Variants in LARGE1 observed in about 807,000 individuals in gnomAD.
LARGE1 encodes the protein LARGE xylosyl- and glucuronyltransferase 1.
In LARGE1, 43 loss-of-function variants were observed where a neutral mutation model predicts 87.6. The ratio of observed to expected loss-of-function variants is 0.49; its 90% CI spans 0.38 to 0.63. The LOEUF is 0.63. Among genes scored for constraint, LARGE1 ranks in the 30% least tolerant of loss-of-function variants. LARGE1 has a pLI of 0.00. For missense variants in LARGE1, 802 were observed against 1,000.2 expected (o/e 0.80, Z 2.67); for synonymous variants, 434 against 394.6 (o/e 1.10, Z -1.18).
chr22:33,441,629 A>T (rs1192186616), intron 6 of LARGE1, among the ~76,000 whole-genome samples: 3 of 150,668 alleles, frequency 2.0e-5, no homozygotes, highest in Non-Finnish European at 3.0e-5. Context: ...CTAACTTTAA[A>T]TTTTTTTTTG....
chr22:33,609,451 C>T (rs1024143778), intron 4 of LARGE1, among the ~76,000 whole-genome samples: 2 of 152,148 alleles, frequency 1.3e-5, no homozygotes, highest in Non-Finnish European at 2.9e-5. Context: ...AAAGAGATGA[C>T]ATTTTGGTAG....
At chr22:33,418,891 A>G (rs1347351871) in intron 7 of LARGE1, among the ~76,000 whole-genome samples, 1 of 152,190 alleles carries the variant, frequency 6.6e-6, no homozygotes, top group Non-Finnish European at 1.5e-5. Flanking sequence ...ATGGTTCCAA[A>G]GTGTGTTAGT....
intron 2 of LARGE1, among the ~76,000 whole-genome samples, chr22:33,704,285 C>T (rs2082490645): frequency 6.6e-6 from 1 of 152,122 alleles, no homozygotes; most frequent in African/African-American, 2.4e-5. Context: ...GGGCTGTGAC[C>T]CAGTACAAGC....
chr22:33,629,740 G>T (rs980499123), intron 3 of LARGE1, among the ~76,000 whole-genome samples: 3 of 152,174 alleles, frequency 2.0e-5, no homozygotes, highest in African/African-American at 7.2e-5. Context: ...TAAGTTTCTT[G>T]GTGTGGTAGA....
chr22:33,537,940 C>G (rs2077088419), intron 6 of LARGE1, among the ~76,000 whole-genome samples: 1 of 152,142 alleles, frequency 6.6e-6, no homozygotes, highest in Non-Finnish European at 1.5e-5. Context: ...GGGCCATTAT[C>G]CAGCCTATCA....
intron 6 of LARGE1, among the ~76,000 whole-genome samples, chr22:33,505,847 C>T (rs932192836): frequency 1.3e-5 from 2 of 152,166 alleles, no homozygotes; most frequent in African/African-American, 4.8e-5. Flanking sequence ...CTCTCACTTA[C>T]TAATGCTTAA....
chr22:33,196,999 A>G (rs1039262349), intron 11 of LARGE1, among the ~76,000 whole-genome samples: 2 of 152,208 alleles, frequency 1.3e-5, no homozygotes, highest in Non-Finnish European at 2.9e-5. Context: ...TCCATGTTAG[A>G]TTAACATTTG....
At chr22:33,837,354 A>G (rs967880884) in intron 1 of LARGE1, among the ~76,000 whole-genome samples, 3 of 151,958 alleles carry the variant, frequency 2.0e-5, no homozygotes, top group African/African-American at 7.3e-5. Context: ...TAGTATACAT[A>G]TATGTGTTTA....
intron 6 of LARGE1, 70 bp from the exon 7 acceptor site, chr22:33,432,335 G>T: frequency 8.7e-7 from 1 of 1,154,110 alleles, no homozygotes; most frequent in South Asian, 1.3e-5. Context: ...GACTATTGAA[G>T]ACACAGGGTA....
At chr22:33,652,136 A>G (rs1004791962) in intron 2 of LARGE1, among the ~76,000 whole-genome samples, 24 of 152,238 alleles carry the variant, frequency 1.6e-4, no homozygotes, top group African/African-American at 5.8e-4. Flanking sequence ...AGATTGCACC[A>G]CTGCATTCCA....
chr22:33,507,358 G>A (rs2070815615), intron 6 of LARGE1, among the ~76,000 whole-genome samples: 1 of 152,108 alleles, frequency 6.6e-6, no homozygotes, highest in Non-Finnish European at 1.5e-5. Flanking sequence ...TGAAGTGTAT[G>A]CCCAGGAGAA....
intron 7 of LARGE1, among the ~76,000 whole-genome samples, chr22:33,389,916 G>T (rs996444919): frequency 1.3e-5 from 2 of 151,998 alleles, no homozygotes; most frequent in African/African-American, 4.8e-5. Context: ...AAGCTAAAAT[G>T]TTGCTGTCAT....
At chr22:33,388,878 G>A (rs1414292946) in intron 7 of LARGE1, among the ~76,000 whole-genome samples, 1 of 152,158 alleles carries the variant, frequency 6.6e-6, no homozygotes, top group Non-Finnish European at 1.5e-5. Context: ...CAATCTCATG[G>A]GCTTTATTCA....
At chr22:33,503,534 A>G (rs1315538713) in intron 6 of LARGE1, among the ~76,000 whole-genome samples, 1 of 152,146 alleles carries the variant, frequency 6.6e-6, no homozygotes, top group Non-Finnish European at 1.5e-5. Flanking sequence ...TTATAGCAGC[A>G]TTATTCACAA....
chr22:33,189,865 A>G (rs1923684886), intron 11 of LARGE1, among the ~76,000 whole-genome samples: 2 of 152,170 alleles, frequency 1.3e-5, no homozygotes, highest in Non-Finnish European at 2.9e-5. Context: ...TGAGGAGGTA[A>G]CAGTATCGCA....
chr22:33,885,447 C>T (rs118103861), intron 1 of LARGE1, among the ~76,000 whole-genome samples: 188 of 152,284 alleles, frequency 1.2e-3, no homozygotes, highest in Non-Finnish European at 2.1e-3. Flanking sequence ...CCCCCTAAGC[C>T]TCAGTCTGTT....
At chr22:33,452,283 C>A (rs1046446960) in intron 6 of LARGE1, among the ~76,000 whole-genome samples, 1 of 152,078 alleles carries the variant, frequency 6.6e-6, no homozygotes, top group Non-Finnish European at 1.5e-5. Flanking sequence ...GGGGACACAG[C>A]AAGGGTGCAG....
intron 11 of LARGE1, among the ~76,000 whole-genome samples, chr22:33,192,904 C>T (rs1042646050): frequency 6.6e-6 from 1 of 152,210 alleles, no homozygotes; most frequent in African/African-American, 2.4e-5. Flanking sequence ...GTTTTCCCAA[C>T]ACCATTTATT....
chr22:33,616,989 G>A (rs1242536833), intron 4 of LARGE1, among the ~76,000 whole-genome samples: 4 of 152,218 alleles, frequency 2.6e-5, no homozygotes, highest in Non-Finnish European at 5.9e-5. Flanking sequence ...AGAGGAATAG[G>A]CAAATATTGG....
Sources: gnomAD v4.1 joint callset for allele counts (sites outside exome capture counted in the v4.1 genomes callset) on GRCh38, gnomAD v4.1.1 for gene constraint, MANE v1.5 for transcripts, NCBI Gene and HGNC (gene_info 2026-07-23, HGNC 2026-07-21) for gene names.